Variants in GTSE1 observed in about 807,000 individuals in gnomAD.
GTSE1 encodes the protein G2 and S phase-expressed protein 1.
Under a neutral mutation model 60.5 loss-of-function variants are expected in GTSE1, and 52 were observed. That is an observed-to-expected ratio of 0.86 (90% confidence interval 0.69 to 1.08). The LOEUF is 1.08. GTSE1 is among the 50% of genes least tolerant of loss of function. The pLI is 0.00. For synonymous variants in GTSE1, 368 were observed against 386.5 expected, an observed-to-expected ratio of 0.95 and a Z score of 0.56; for missense variants, 937 against 961.8, an observed-to-expected ratio of 0.97 and a Z score of 0.34.
intron 2 of GTSE1, among the ~76,000 whole-genome samples, chr22:46,302,723 A>G (rs527288837): frequency 6.6e-6 from 1 of 152,188 alleles, no homozygotes; most frequent in Non-Finnish European, 1.5e-5. Flanking sequence ...CCCAAGTTAC[A>G]AAAGTTTCCT....
chr22:46,297,533 G>A lies in GTSE1; in HGVS notation c.79+54G>A. Reference sequence around the variant, plus strand: ...TTGTTCAGGATGTTCAGTAGAGATGGAGGGTGATTTAATGTTTCCCTGAGA... The same window carrying A: ...TTGTTCAGGATGTTCAGTAGAGATGAAGGGTGATTTAATGTTTCCCTGAGA... On this transcript the variant is annotated intron_variant, in intron 2 of 11. Transcript: ENST00000454366. This position sits in a 1 kb window ranked among gnomAD's most constrained non-coding sequence, Gnocchi z 4.9. 1 of 1,211,954 alleles carries A rather than the reference G, an allele frequency of 8.3e-7. No individual in the cohort carries two copies. The highest frequency in any genetic ancestry group is 1.2e-5 in the South Asian group (1 of 80,572). 75.1% of individuals were successfully genotyped at this position (1,211,954 alleles called of 1,614,324 possible). A position where few individuals can be genotyped will look rare whatever the true frequency, so the allele number is the denominator to read the frequency against.
At position 46,308,644 on chromosome 22, in the gene GTSE1, A is replaced by G; in HGVS notation, c.463A>G (p.Lys155Glu). 3 of 1,614,022 alleles carry G rather than the reference A, an allele frequency of 1.9e-6. No individual in the cohort carries two copies. Among genetic ancestry groups the G allele is most frequent in the Non-Finnish European group, 2.5e-6 (3 of 1,180,022 alleles). The change falls in exon 4 of 12, where the codon AAG becomes GAG. Residue 155 changes from lysine (K) to glutamate (E), a missense_variant. By Grantham distance (56) the Lys-to-Glu change is moderately conservative. Coordinates refer to ENST00000454366, the MANE Select transcript of GTSE1 (RefSeq NM_016426.7). ...CCTCTTTGAGAAAGAAAAGGAAATG[A>G]AGAAAAGCCCCACGTCTCTTAAAAG... ...INLFEKEKEM[K>E]KSPTSLKRET...
chr22:46,309,400 A>G lies in GTSE1; in HGVS notation c.762+457A>G, dbSNP rs934466201. ...GGGTGCAGTCTGCCTACTCTGGGACACTGAGGGTCCTGGAGGTCTGGGGGA... is the reference window on the plus strand; with the variant it reads ...GGGTGCAGTCTGCCTACTCTGGGACGCTGAGGGTCCTGGAGGTCTGGGGGA... On this transcript the variant is annotated intron_variant, in intron 4 of 11. Transcript: ENST00000454366. This position sits in a 1 kb window ranked among gnomAD's most constrained non-coding sequence, Gnocchi z 6.2. Among the ~76,000 whole-genome samples, 4 of 151,996 alleles carry G rather than the reference A, an allele frequency of 2.6e-5. No individual in the cohort carries two copies. Among genetic ancestry groups the G allele is most frequent in the African/African-American group, 7.2e-5 (3 of 41,380 alleles).
rs553026000 is a variant in GTSE1 at position 46,321,243 on chromosome 22, C to T, written c.1433-1947C>T. 2.0e-5 allele frequency among the ~76,000 whole-genome samples: 3 copies of T among 152,204 alleles called. No homozygotes were observed. Among genetic ancestry groups the T allele is most frequent in the Admixed American group, 6.5e-5 (1 of 15,286 alleles). On this transcript the variant is annotated intron_variant, in intron 7 of 11. Coordinates refer to ENST00000454366, the MANE Select transcript of GTSE1 (RefSeq NM_016426.7). The surrounding 1 kb of genome is among the most constrained non-coding windows in gnomAD (Gnocchi z 4.0). ...TGGGCGACACAGTGAGACCCCGATT[C>T]TACAAAAACATTTAGCTGGGCATGG...
In GTSE1 at chr22:46,308,154, T is replaced by C. The variant is rs780009089; in HGVS notation, c.84T>C (p.Ile28=). Reference sequence around the variant, plus strand: ...CAGTGGATTTTTTCCCTCTAGACATTCTTCTTTTGGCCGATGAAAAATTTG... The same window carrying C: ...CAGTGGATTTTTTCCCTCTAGACATCCTTCTTTTGGCCGATGAAAAATTTG... The part of the protein sequence containing the change: ...VNMDDPKKED[I]LLLADEKFDF... Residue 28 remains isoleucine (I), a synonymous_variant, in exon 3 of 12, where the codon ATT becomes ATC. Coordinates refer to ENST00000454366, the MANE Select transcript of GTSE1 (RefSeq NM_016426.7). The C allele has an allele frequency of 6.2e-7, 1 of 1,609,450 alleles. No homozygotes were observed. The highest frequency in any genetic ancestry group is 8.5e-7 in the Non-Finnish European group (1 of 1,175,786).
chr22:46,300,602 C>T (rs1196779462), intron 2 of GTSE1, among the ~76,000 whole-genome samples: 1 of 152,234 alleles, frequency 6.6e-6, no homozygotes, highest in Non-Finnish European at 1.5e-5. Flanking sequence ...TCTCTCACCG[C>T]ACTGCCTGAG....
intron 6 of GTSE1, among the ~76,000 whole-genome samples, chr22:46,315,716 A>G (rs1260564463): frequency 6.6e-6 from 1 of 152,212 alleles, no homozygotes; most frequent in African/African-American, 2.4e-5. Flanking sequence ...TGACTAGACT[A>G]TCCCCTTCCA....
intron 2 of GTSE1, among the ~76,000 whole-genome samples, chr22:46,307,913 A>C (rs2077724462): frequency 6.6e-6 from 1 of 152,194 alleles, no homozygotes; most frequent in Non-Finnish European, 1.5e-5. Flanking sequence ...GGAGTTCGAG[A>C]CCAGCCTGGT....
chr22:46,300,367 A>AT (rs1468643799), intron 2 of GTSE1, among the ~76,000 whole-genome samples: 1 of 152,198 alleles, frequency 6.6e-6, no homozygotes, highest in Non-Finnish European at 1.5e-5. Context: ...CTGTGCTGGG[A>AT]TTACAGGCAT....
chr22:46,297,097 G>A lies in GTSE1; in HGVS notation c.-22+166G>A, dbSNP rs1162798074. Among the ~76,000 whole-genome samples, 21 of 152,238 alleles carry A rather than the reference G, an allele frequency of 1.4e-4. No homozygotes were observed. Among genetic ancestry groups the A allele is most frequent in the Non-Finnish European group, 2.9e-5 (2 of 68,040 alleles). ...GCGCCGTGGTCGGGGATGCCGGGAG[G>A]TCTAGGGCTGCCCCCCAGGCAAACA... is the stretch of plus-strand genomic sequence containing the variant. On this transcript the variant is annotated intron_variant, in intron 1 of 11. Transcript: ENST00000454366. The surrounding 1 kb of genome is among the most constrained non-coding windows in gnomAD (Gnocchi z 4.9).
rs1161414441 is a variant in GTSE1 at position 46,320,679 on chromosome 22, C to T, written c.1433-2511C>T. On this transcript the variant is annotated intron_variant, in intron 7 of 11. Transcript: ENST00000454366. This position sits in a 1 kb window ranked among gnomAD's most constrained non-coding sequence, Gnocchi z 7.1. ...CATTCTTTGTAAAACAGTCCAGTTA[C>T]AAATGTTGCTATTTACTATGAGTCC... Among the ~76,000 whole-genome samples, 1 of 152,214 alleles carries T rather than the reference C, an allele frequency of 6.6e-6. No individual in the cohort carries two copies. The highest frequency in any genetic ancestry group is 2.4e-5 in the African/African-American group (1 of 41,450).
In GTSE1 at chr22:46,310,511, T is replaced by C. The variant is rs911637893; in HGVS notation, c.762+1568T>C. 1.3e-5 allele frequency among the ~76,000 whole-genome samples: 2 copies of C among 152,184 alleles called. No individual in the cohort carries two copies. The highest frequency in any genetic ancestry group is 2.4e-5 in the African/African-American group (1 of 41,458). On this transcript the variant is annotated intron_variant, in intron 4 of 11. Transcript: ENST00000454366. The surrounding 1 kb of genome is among the most constrained non-coding windows in gnomAD (Gnocchi z 4.4). ...AACCATATCCACAGAAAAATCCACA[T>C]GCAGATGTTCGAAGCAGCATTATTC...
intron 10 of GTSE1, 89 bp downstream of exon 10, chr22:46,328,978 G>GCCAGCCACA: frequency 9.6e-7 from 1 of 1,045,210 alleles, no homozygotes; most frequent in Non-Finnish European, 1.4e-6. Context: ...TGTGGCTGGC[G>GCCAGCCACA]GAGTTCCCTG....
intron 8 of GTSE1, among the ~76,000 whole-genome samples, chr22:46,323,768 A>T (rs1360006303): frequency 2.0e-5 from 3 of 152,028 alleles, no homozygotes; most frequent in Admixed American, 6.6e-5. Flanking sequence ...GCTCACTGCA[A>T]ACTCCACCTC....
In GTSE1 at chr22:46,313,909, T is replaced by C. The variant is rs780959304; in HGVS notation, c.947T>C (p.Leu316Pro). The C allele has an allele frequency of 1.9e-6, 3 of 1,614,174 alleles. No homozygotes were observed. Among genetic ancestry groups the C allele is most frequent in the Admixed American group, 1.7e-5 (1 of 60,022 alleles). ...CCCCAGTTGGGGCTGAAGAAGACCC[T>C]GTTAAAAGCACCCGGCTCTACCAGC... ...VPNKLGLKKT[L>P]LKAPGSTSNL... Residue 316 changes from leucine to proline, a missense_variant, in exon 6 of 12, where the codon CTG becomes CCG. By Grantham distance (98) the Leu-to-Pro change is moderately conservative. Coordinates refer to ENST00000454366, the MANE Select transcript of GTSE1 (RefSeq NM_016426.7). This position sits in a 1 kb window ranked among gnomAD's most constrained non-coding sequence, Gnocchi z 4.4.
rs1260108350 is a variant in GTSE1 at position 46,307,469 on chromosome 22, C to T, written c.80-681C>T. Among the ~76,000 whole-genome samples the T allele has an allele frequency of 2.0e-5, 3 of 151,772 alleles. No individual in the cohort carries two copies. The East Asian group carries it at 5.8e-4, about 29-fold the overall frequency. On this transcript the variant is annotated intron_variant, in intron 2 of 11. Transcript: ENST00000454366. ...TATATCTTAAAAGTAAGGACCTAAGCTTTTGGGTGGCTTAGTGAACATAGA... is the reference window on the plus strand; with the variant it reads ...TATATCTTAAAAGTAAGGACCTAAGTTTTTGGGTGGCTTAGTGAACATAGA...
chr22:46,325,502 G>A (rs2077838482), intron 8 of GTSE1, among the ~76,000 whole-genome samples: 4 of 151,714 alleles, frequency 2.6e-5, no homozygotes, highest in Non-Finnish European at 1.5e-5. Flanking sequence ...GCCTATGTTT[G>A]TTTATTTTTT....
intron 6 of GTSE1, among the ~76,000 whole-genome samples, chr22:46,315,737 T>C (rs2077775369): frequency 6.6e-6 from 1 of 152,226 alleles, no homozygotes; most frequent in Non-Finnish European, 1.5e-5. Flanking sequence ...TCTGCTCAAC[T>C]AATGTAGATT....
chr22:46,314,550 C>G lies in GTSE1; in HGVS notation c.1051+537C>G, dbSNP rs889987731. On this transcript the variant is annotated intron_variant, in intron 6 of 11. Transcript: ENST00000454366. This position sits in a 1 kb window ranked among gnomAD's most constrained non-coding sequence, Gnocchi z 7.1. Reference sequence around the variant, plus strand: ...GGCCATGTGGCGTCTCGGGGTCGTTCAGGGCAGCATGGTGTGGATTGTGTT... The same window carrying G: ...GGCCATGTGGCGTCTCGGGGTCGTTGAGGGCAGCATGGTGTGGATTGTGTT... Among the ~76,000 whole-genome samples the G allele has an allele frequency of 1.3e-5, 2 of 152,070 alleles. No individual in the cohort carries two copies. The highest frequency in any genetic ancestry group is 4.8e-5 in the African/African-American group (2 of 41,414).
Sources: gnomAD v4.1 joint callset for allele counts (sites outside exome capture counted in the v4.1 genomes callset) on GRCh38, gnomAD v4.1.1 for gene constraint, Gnocchi (gnomAD v3.1) non-coding constraint, MANE v1.5 for transcripts, NCBI Gene and HGNC (gene_info 2026-07-23, HGNC 2026-07-21) for gene names.